The following GREM2 variants were observed in gnomAD, a reference collection of about 807,000 sequenced individuals.
GREM2 encodes the protein gremlin 2, DAN family BMP antagonist, also known as gremlin-2.
A neutral mutation model predicts 14.2 loss-of-function variants in GREM2; 11 were observed. The ratio of observed to expected loss-of-function variants is 0.78; its 90% confidence interval spans 0.49 to 1.28. GREM2 has a LOEUF of 1.28. Among genes scored for constraint, GREM2 ranks in the 50% most tolerant of loss-of-function variants. The pLI is 0.00. For missense variants in GREM2, 210 were observed against 218.5 expected (o/e 0.96, Z 0.24); for synonymous variants, 98 against 97.6 (o/e 1.00, Z -0.02).
chr1:240,517,998 T>C (rs1176860976), intron 1 of GREM2, among the ~76,000 whole-genome samples: 5 of 152,150 alleles, frequency 3.3e-5, no homozygotes, highest in Non-Finnish European at 7.3e-5. Flanking sequence ...ATAGGAGTCC[T>C]CCTACATAGA....
chr1:240,531,097 C>T (rs1678348908), intron 1 of GREM2, among the ~76,000 whole-genome samples: 2 of 152,070 alleles, frequency 1.3e-5, no homozygotes, highest in Admixed American at 1.3e-4. Context: ...GAACTTATTG[C>T]CAAAATACTC....
At chr1:240,517,104 A>G (rs971472810) in intron 1 of GREM2, among the ~76,000 whole-genome samples, 2 of 152,182 alleles carry the variant, frequency 1.3e-5, no homozygotes, top group Non-Finnish European at 2.9e-5. Context: ...TTCACAATAA[A>G]TATTTGTCCA....
intron 1 of GREM2, among the ~76,000 whole-genome samples, chr1:240,570,639 T>C (rs1423819880): frequency 6.6e-6 from 1 of 152,152 alleles, no homozygotes. Flanking sequence ...ACCAATCAAA[T>C]TGTGTTTTAC....
intron 1 of GREM2, among the ~76,000 whole-genome samples, chr1:240,572,226 C>T (rs1572404316): frequency 6.6e-6 from 1 of 152,140 alleles, no homozygotes; most frequent in South Asian, 2.1e-4. Context: ...TCTGAATATT[C>T]GGACAAATCC....
intron 1 of GREM2, among the ~76,000 whole-genome samples, chr1:240,586,449 C>T (rs1679601464): frequency 6.6e-6 from 1 of 152,186 alleles, no homozygotes; most frequent in Non-Finnish European, 1.5e-5. Flanking sequence ...GAATAGTTCT[C>T]CCTCTTGTTC....
chr1:240,535,798 CAA>C (rs71170755), intron 1 of GREM2, among the ~76,000 whole-genome samples: 2,017 of 130,064 alleles, frequency 0.016, 35 homozygotes, highest in Non-Finnish European at 0.018. Context: ...GACTCCATCG[CAA>C]AAAAAAAAAA....
intron 1 of GREM2, among the ~76,000 whole-genome samples, chr1:240,532,147 G>A (rs1019201844): frequency 2.1e-4 from 32 of 151,706 alleles, no homozygotes; most frequent in African/African-American, 5.8e-4. Context: ...GCAGTGGCAC[G>A]ATCTCGGCTC....
intron 1 of GREM2, among the ~76,000 whole-genome samples, chr1:240,595,952 A>G (rs566014040): frequency 9.9e-5 from 15 of 152,270 alleles, no homozygotes; most frequent in Non-Finnish European, 2.1e-4. Context: ...GAGGATAACA[A>G]TGCAATTGTC....
At chr1:240,574,298 A>G (rs896919341) in intron 1 of GREM2, among the ~76,000 whole-genome samples, 1 of 152,176 alleles carries the variant, frequency 6.6e-6, no homozygotes, top group Non-Finnish European at 1.5e-5. Flanking sequence ...GAAAAGAAAG[A>G]AAAACATCAA....
Position 240,570,234 on chromosome 1 carries a change from C to T in GREM2, c.-2+41650G>A, listed in dbSNP as rs531118391. Among the ~76,000 whole-genome samples, 104 of 152,110 alleles carry T rather than the reference C, an allele frequency of 6.8e-4. 1 individual carries two copies. The highest frequency in any genetic ancestry group is 6.5e-4 in the Non-Finnish European group (44 of 68,000). ...ATCCCAGCACTTTGGGAGGCTGAGG[C>T]GGGCAGATCACGAGATCAAGAGACC... is the stretch of plus-strand genomic sequence containing the variant. On this transcript the variant is annotated intron_variant, in intron 1 of 1. Transcript: ENST00000318160.
intron 1 of GREM2, among the ~76,000 whole-genome samples, chr1:240,588,005 A>G (rs1212632126): frequency 6.6e-6 from 1 of 152,140 alleles, no homozygotes; most frequent in Non-Finnish European, 1.5e-5. Context: ...GAAACGGCAC[A>G]TGGAACCCAC....
chr1:240,562,632 C>T (rs1035974069), intron 1 of GREM2, among the ~76,000 whole-genome samples: 1 of 152,052 alleles, frequency 6.6e-6, no homozygotes, highest in African/African-American at 2.4e-5. Context: ...CCAATATCTC[C>T]AGAGGAAATT....
chr1:240,512,362 T>A (rs973001100), intron 1 of GREM2, among the ~76,000 whole-genome samples: 7 of 152,168 alleles, frequency 4.6e-5, no homozygotes, highest in African/African-American at 1.7e-4. Flanking sequence ...ATATACATTT[T>A]AAAAATAAAA....
chr1:240,516,625 A>G (rs759051172), intron 1 of GREM2, among the ~76,000 whole-genome samples: 59 of 152,126 alleles, frequency 3.9e-4, no homozygotes, highest in Non-Finnish European at 7.2e-4. Flanking sequence ...CTCCAAAAGA[A>G]TGTTATTTGA....
At chr1:240,579,814 G>A (rs1018368307) in intron 1 of GREM2, among the ~76,000 whole-genome samples, 1 of 152,180 alleles carries the variant, frequency 6.6e-6, no homozygotes. Context: ...GGGCATTTCT[G>A]GGGGAGAGAA....
intron 1 of GREM2, among the ~76,000 whole-genome samples, chr1:240,562,823 C>A (rs961663188): frequency 2.1e-5 from 3 of 145,198 alleles, no homozygotes; most frequent in African/African-American, 7.7e-5. Context: ...GTATTGTGTA[C>A]ACGTGAGTGT....
chr1:240,501,718 C>A (rs1429213345), intron 1 of GREM2, among the ~76,000 whole-genome samples: 2 of 152,104 alleles, frequency 1.3e-5, no homozygotes, highest in African/African-American at 2.4e-5. Context: ...CTGAGCTGCC[C>A]ATGTTGTGAC....
chr1:240,587,209 ACT>A (rs1334547738), intron 1 of GREM2, among the ~76,000 whole-genome samples: 11 of 152,106 alleles, frequency 7.2e-5, no homozygotes, highest in Non-Finnish European at 1.6e-4. Context: ...TAAAACACAC[ACT>A]GTCTATATAA....
intron 1 of GREM2, among the ~76,000 whole-genome samples, chr1:240,526,217 G>A (rs187809640): frequency 3.4e-4 from 51 of 152,232 alleles, no homozygotes; most frequent in East Asian, 2.1e-3. Context: ...GCATTGTTTC[G>A]TCTGCCACGC....
Sources: gnomAD v4.1 joint callset for allele counts (sites outside exome capture counted in the v4.1 genomes callset) on GRCh38, gnomAD v4.1.1 for gene constraint, MANE v1.5 for transcripts, NCBI Gene and HGNC (gene_info 2026-07-23, HGNC 2026-07-21) for gene names.